The following CCNI2 variants were observed in gnomAD, a reference collection of about 807,000 sequenced individuals.
CCNI2 encodes the protein cyclin-I2.
CCNI2 carries 32 observed loss-of-function variants against 33.2 expected under a neutral mutation model. The ratio of observed to expected loss-of-function variants is 0.96; its 90% CI spans 0.73 to 1.30. The LOEUF is 1.30. Ranked by LOEUF, CCNI2 falls within the 50% of genes most tolerant of loss-of-function variation. The pLI is 0.00. For synonymous variants in CCNI2, 231 were observed against 219.9 expected, an observed-to-expected ratio of 1.05 and a Z score of -0.45; for missense variants, 452 against 486.2, an observed-to-expected ratio of 0.93 and a Z score of 0.66.
chr5:132,752,040 C>T lies in CCNI2; in HGVS notation c.849C>T (p.Val283=), dbSNP rs201961929. The T allele has an allele frequency of 3.4e-5, 55 of 1,611,346 alleles. No individual in the cohort carries two copies. Among genetic ancestry groups the T allele is most frequent in the African/African-American group, 3.3e-4 (25 of 75,018 alleles). Residue 283 remains valine (V), a synonymous_variant, in exon 5 of 6, where the codon GTC becomes GTT. Coordinates refer to ENST00000378731, the MANE Select transcript of CCNI2 (RefSeq NM_001039780.4). ...LLPQRNPSLH[V]ASLTRQLQHC... is the part of the protein sequence containing the mutation. ...CTCAGAGGAATCCTTCCCTCCACGT[C>T]GCATCCCTGACCAGGCAGCTGCAGC...
Position 132,747,790 on chromosome 5 carries a change from C to G in CCNI2, c.295C>G (p.Gln99Glu). ...ADAVPAAAPEQAPRPAPQSRK... is the reference protein window; with the variant it reads ...ADAVPAAAPEEAPRPAPQSRK... The stretch of plus-strand genomic sequence containing the variant: ...CGCGGTCCCCGCCGCCGCCCCAGAG[C>G]AAGCTCCGCGGCCGGCTCCACAGTC... Residue 99 changes from glutamine (Q) to glutamate (E), a missense_variant, in exon 1 of 6, where the codon CAA becomes GAA. Physicochemically the swap from Gln to Glu is conservative, Grantham distance 29. Transcript: ENST00000378731. This position sits in a 1 kb window ranked among gnomAD's most constrained non-coding sequence, Gnocchi z 4.1. The G allele has an allele frequency of 6.8e-7, 1 of 1,477,496 alleles. No homozygotes were observed. The highest frequency in any genetic ancestry group is 1.3e-5 in the South Asian group (1 of 77,654). The allele number at this position is 1,477,496 out of a possible 1,614,324, so 91.5% of individuals were successfully genotyped here.
In CCNI2 at chr5:132,747,886, G is replaced by C; in HGVS notation, c.391G>C (p.Asp131His). 1 of 1,418,236 alleles carries C rather than the reference G, an allele frequency of 7.1e-7. No individual in the cohort carries two copies. The highest frequency in any genetic ancestry group is 9.1e-7 in the Non-Finnish European group (1 of 1,095,198). 87.9% of individuals were successfully genotyped at this position (1,418,236 alleles called of 1,614,324 possible). ...GCTCTGCCACTTGCAGCTGGCCCAG[G>C]ACCGCGAGGCGCGCCTGTGGCGGGG... is the stretch of plus-strand genomic sequence containing the variant. ...RLLCHLQLAQ[D>H]REARLWRGGK... is the part of the protein sequence containing the mutation. Residue 131 changes from aspartate (D) to histidine (H), a missense_variant, in exon 1 of 6, where the codon GAC (aspartate) becomes CAC (histidine). By Grantham distance (81) the Asp-to-His change is moderately conservative. Coordinates refer to ENST00000378731, the MANE Select transcript of CCNI2 (RefSeq NM_001039780.4). This position sits in a 1 kb window ranked among gnomAD's most constrained non-coding sequence, Gnocchi z 4.1.
downstream of CCNI2, chr5:132,755,852 T>C (rs1755280417): frequency 1.8e-6 from 1 of 570,290 alleles, no homozygotes; most frequent in Non-Finnish European, 2.2e-6. Flanking sequence ...TGTAGCAGGG[T>C]TTCCTATTAA....
chr5:132,748,442 C>T lies in CCNI2; in HGVS notation c.525C>T (p.Leu175=), dbSNP rs1754675770. Residue 175 remains leucine, a synonymous_variant, in exon 2 of 6, where the codon CTC becomes CTT. Transcript: ENST00000378731. ...CCCAGTCCACTTTTAACCTGGCCCTCACCATCTTTGGCCGCCTCCTGATTT... is the reference window on the plus strand; with the variant it reads ...CCCAGTCCACTTTTAACCTGGCCCTTACCATCTTTGGCCGCCTCCTGATTT... ...YFSQSTFNLA[L]TIFGRLLISV... The T allele has an allele frequency of 1.2e-6, 2 of 1,614,188 alleles. No homozygotes were observed. Among genetic ancestry groups the T allele is most frequent in the Non-Finnish European group, 1.7e-6 (2 of 1,180,030 alleles).
Position 132,754,401 on chromosome 5 carries a change from T to C in CCNI2, c.*1431T>C. On this transcript the variant is annotated 3_prime_UTR_variant, in exon 6 of 6. Coordinates refer to ENST00000378731, the MANE Select transcript of CCNI2 (RefSeq NM_001039780.4). ...CAGTGCATGAGGCAGAAGGACATCC[T>C]GAGGGCCCATACCAGTTTAGGCATC... is the stretch of plus-strand genomic sequence containing the variant. 1.4e-6 allele frequency: 1 copy of C among 717,432 alleles called. No homozygotes were observed. Among genetic ancestry groups the C allele is most frequent in the Non-Finnish European group, 2.6e-6 (1 of 385,058 alleles). 44.4% of individuals were successfully genotyped at this position (717,432 alleles called of 1,614,324 possible).
chr5:132,755,620 T>C (rs922956057), downstream of CCNI2, among the ~76,000 whole-genome samples: 2 of 152,184 alleles, frequency 1.3e-5, no homozygotes, highest in African/African-American at 4.8e-5. Flanking sequence ...ATGCATGTAA[T>C]ATGGTTCCGA....
chr5:132,753,062 T>TA lies in CCNI2; in HGVS notation c.*97dup, dbSNP rs1755003594. On this transcript the variant is annotated 3_prime_UTR_variant, in exon 6 of 6. Coordinates refer to ENST00000378731, the MANE Select transcript of CCNI2 (RefSeq NM_001039780.4). ...GTTCTTTGGCTTGTTATGAATCCTG[T>TA]AAAAAGGGAAGGTGGCTCTGGAAGA... is the stretch of plus-strand genomic sequence containing the variant. The TA allele has an allele frequency of 2.0e-6, 2 of 1,024,036 alleles. No homozygotes were observed. Among genetic ancestry groups the TA allele is most frequent in the South Asian group, 2.8e-5 (2 of 72,176 alleles). The allele number at this position is 1,024,036 out of a possible 1,614,324, so 63.4% of individuals were successfully genotyped here. A position where few individuals can be genotyped will look rare whatever the true frequency, so the allele number is the denominator to read the frequency against.
intron 2 of CCNI2, 107 bp from the exon 3 acceptor site, chr5:132,749,241 G>A (rs1754705574): frequency 1.1e-6 from 1 of 871,544 alleles, no homozygotes; most frequent in East Asian, 2.7e-5. Flanking sequence ...GGGCAACAGA[G>A]TGAGACTCCA....
Position 132,752,127 on chromosome 5 carries a change from C to T in CCNI2, c.936C>T (p.Ile312=), listed in dbSNP as rs375318962. ...FKGSTLALVI[I]TLELERLMPG... is the part of the protein sequence containing the mutation. ...GCTCCACACTGGCCTTGGTCATCAT[C>T]ACCTTAGAGCTGGAGAGGCTCATGC... Residue 312 remains isoleucine, a synonymous_variant, in exon 5 of 6, where the codon ATC becomes ATT. Transcript: ENST00000378731. The T allele has an allele frequency of 2.3e-5, 37 of 1,598,174 alleles. No homozygotes were observed. The highest frequency in any genetic ancestry group is 3.1e-5 in the Non-Finnish European group (36 of 1,171,814).
intron 3 of CCNI2, among the ~76,000 whole-genome samples, chr5:132,749,882 A>G (rs886880648): frequency 6.6e-6 from 1 of 152,164 alleles, no homozygotes; most frequent in Non-Finnish European, 1.5e-5. Flanking sequence ...CAGGAGGGCC[A>G]TGTGCTGGGG....
chr5:132,752,266 A>T, intron 5 of CCNI2, 70 bp downstream of exon 5: 1 of 1,471,694 alleles, frequency 6.8e-7, no homozygotes, highest in Non-Finnish European at 9.1e-7. Context: ...CTGACCCCAA[A>T]GGGGTACCCT....
intron 4 of CCNI2, chr5:132,751,313 A>G (rs757657502): frequency 1.3e-4 from 33 of 257,216 alleles, no homozygotes; most frequent in Non-Finnish European, 2.1e-4. Context: ...AATACTGTAC[A>G]TAAATATCTG....
chr5:132,751,911 G>T, intron 4 of CCNI2, 55 bp from the exon 5 acceptor site: 1 of 1,534,318 alleles, frequency 6.5e-7, no homozygotes, highest in Non-Finnish European at 8.8e-7. Flanking sequence ...TTTGATCATT[G>T]ATATAGGAAA....
chr5:132,755,290 C>T (rs1755224861), downstream of CCNI2, among the ~76,000 whole-genome samples: 1 of 152,204 alleles, frequency 6.6e-6, no homozygotes. Flanking sequence ...TTTCACCAGT[C>T]TGCTCTTCCT....
At chr5:132,750,467 T>G (rs758633559) in intron 3 of CCNI2, among the ~76,000 whole-genome samples, 1 of 152,224 alleles carries the variant, frequency 6.6e-6, no homozygotes, top group Non-Finnish European at 1.5e-5. Flanking sequence ...GCATAGTTTT[T>G]TTCTCTATGC....
intron 4 of CCNI2, 168 bp downstream of exon 4, chr5:132,751,165 T>A: frequency 1.6e-6 from 1 of 635,338 alleles, no homozygotes; most frequent in Non-Finnish European, 2.5e-6. Flanking sequence ...AAAGGTATCT[T>A]AAATCCAACA....
At chr5:132,755,962 TAAATC>T (rs1293913731), downstream of CCNI2, 1 of 976,624 alleles carries the variant, frequency 1.0e-6, no homozygotes, top group African/African-American at 1.8e-5. Context: ...CAGGAAACGT[TAAATC>T]AGAAAAGCTA....
chr5:132,752,898 A>T lies in CCNI2; in HGVS notation c.1038A>T (p.Glu346Asp), dbSNP rs182870915. The change falls in exon 6 of 6, where the codon GAA (glutamate) becomes GAT (aspartate). Residue 346 changes from glutamate to aspartate, a missense_variant. Coordinates refer to ENST00000378731, the MANE Select transcript of CCNI2 (RefSeq NM_001039780.4). ...ATATGCAGTACAGCTGCTGCAAGGAACTTGTAATGCAGCAACTGAGAAGTC... is the reference window on the plus strand; with the variant it reads ...ATATGCAGTACAGCTGCTGCAAGGATCTTGTAATGCAGCAACTGAGAAGTC... ...VGDMQYSCCK[E>D]LVMQQLRSLQ... The T allele has an allele frequency of 2.5e-6, 4 of 1,614,094 alleles. No homozygotes were observed. The highest frequency in any genetic ancestry group is 2.2e-5 in the East Asian group (1 of 44,868).
Position 132,747,915 on chromosome 5 carries a change from C to A in CCNI2, c.420C>A (p.Gly140=). 1 of 1,382,886 alleles carries A rather than the reference C, an allele frequency of 7.2e-7. No homozygotes were observed. Among genetic ancestry groups the A allele is most frequent in the Non-Finnish European group, 9.3e-7 (1 of 1,076,028 alleles). 85.7% of individuals were successfully genotyped at this position (1,382,886 alleles called of 1,614,324 possible). A position where few individuals can be genotyped will look rare whatever the true frequency, so the allele number is the denominator to read the frequency against. The change falls in exon 1 of 6, where the codon GGC becomes GGA. Residue 140 remains glycine, a synonymous_variant. Transcript: ENST00000378731. This position sits in a 1 kb window ranked among gnomAD's most constrained non-coding sequence, Gnocchi z 4.1. ...QDREARLWRG[G]KPQDEICDAF... is the part of the protein sequence containing the mutation. ...GCGAGGCGCGCCTGTGGCGGGGCGGCAAACCCCAGGTACCCGTCGCTGCCG... is the reference window on the plus strand; with the variant it reads ...GCGAGGCGCGCCTGTGGCGGGGCGGAAAACCCCAGGTACCCGTCGCTGCCG...
Sources: allele counts gnomAD v4.1 joint callset (sites outside exome capture counted in the v4.1 genomes callset), GRCh38; gene constraint gnomAD v4.1.1; non-coding constraint Gnocchi (gnomAD v3.1); transcripts MANE v1.5; gene names NCBI Gene and HGNC (gene_info 2026-07-23, HGNC 2026-07-21).